The following RNF2 variants were observed in gnomAD, a reference collection of about 807,000 sequenced individuals.
RNF2 encodes the protein E3 ubiquitin-protein ligase RING2.
RNF2 carries 6 observed loss-of-function variants against 37.2 expected under a neutral mutation model. That is an observed-to-expected ratio of 0.16 (90% confidence interval 0.09 to 0.32). The LOEUF (loss-of-function observed/expected upper bound fraction) is 0.32, where lower values mean the gene tolerates loss of function less well. Ranked by LOEUF, RNF2 falls within the 10% of genes least tolerant of loss-of-function variation. RNF2 has a pLI of 1.00. For missense variants in RNF2, 251 were observed against 404.0 expected (o/e 0.62, Z 3.25); for synonymous variants, 133 against 132.7 (o/e 1.00, Z -0.02).
In RNF2 at chr1:185,097,936, A is replaced by G. The variant is rs544019431; in HGVS notation, c.465-136A>G. 1.1e-3 allele frequency: 961 copies of G among 876,112 alleles called. 5 individuals carry two copies. Among genetic ancestry groups the G allele is most frequent in the Non-Finnish European group, 1.4e-3 (819 of 583,048 alleles). The allele number at this position is 876,112 out of a possible 1,614,324, so 54.3% of individuals were successfully genotyped here. On this transcript the variant is annotated intron_variant, in intron 4 of 6. Coordinates refer to ENST00000367510, the MANE Select transcript of RNF2 (RefSeq NM_007212.4). Reference sequence around the variant, plus strand: ...ACCTTTCAGGAACATGTGGGAAACAATATCATCCAACTCAGAGTAAATTCA... The same window carrying G: ...ACCTTTCAGGAACATGTGGGAAACAGTATCATCCAACTCAGAGTAAATTCA...
At chr1:185,053,429 G>A (rs1201640008) in intron 1 of RNF2, among the ~76,000 whole-genome samples, 8 of 151,672 alleles carry the variant, frequency 5.3e-5, no homozygotes, top group Admixed American at 5.3e-4. Flanking sequence ...TCCAACTTTG[G>A]GCTCAAGTGA....
chr1:185,091,227 T>A (rs1651757628), intron 2 of RNF2, among the ~76,000 whole-genome samples: 1 of 152,226 alleles, frequency 6.6e-6, no homozygotes, highest in South Asian at 2.1e-4. Context: ...TAAATAATTA[T>A]TTAGACTCAG....
intron 1 of RNF2, among the ~76,000 whole-genome samples, chr1:185,087,194 A>C (rs1651626075): frequency 6.6e-6 from 1 of 152,184 alleles, no homozygotes; most frequent in Non-Finnish European, 1.5e-5. Flanking sequence ...AAAATACTTT[A>C]GGCTGGGTAA....
At chr1:185,051,724 TTAAC>T (rs1467496484) in intron 1 of RNF2, among the ~76,000 whole-genome samples, 2 of 141,160 alleles carry the variant, frequency 1.4e-5, no homozygotes, top group African/African-American at 2.5e-5. Context: ...TTCCCCCTCC[TTAAC>T]TAATTCTTTT....
In RNF2 at chr1:185,082,345, C is replaced by CTTTTTTTTTTTTTTTTTTTTTTTTTTT. The variant is rs3036553; in HGVS notation, c.-2-5185_-2-5184insTTTTTTTTTTTTTTTTTTTTTTTTTTT. Among the ~76,000 whole-genome samples the CTTTTTTTTTTTTTTTTTTTTTTTTTTT allele has an allele frequency of 1.5e-3, 110 of 71,978 alleles. 17 individuals carry two copies. Among genetic ancestry groups the CTTTTTTTTTTTTTTTTTTTTTTTTTTT allele is most frequent in the East Asian group, 3.3e-3 (6 of 1,792 alleles). The allele number at this position is 71,978 out of a possible 152,430, so 47.2% of individuals were successfully genotyped here. Reference sequence around the variant, plus strand: ...CAAGGTTCTTGTCTCCTCTGCAGAACTTTTTTTTTTTTTTTTTTTTTTGAA... The same window carrying CTTTTTTTTTTTTTTTTTTTTTTTTTTT: ...CAAGGTTCTTGTCTCCTCTGCAGAACTTTTTTTTTTTTTTTTTTTTTTTTTTTTTTTTTTTTTTTTTTTTTTTTTGAA... On this transcript the variant is annotated intron_variant, in intron 1 of 6. Transcript: ENST00000367510.
At chr1:185,091,767 G>A (rs371064337) in intron 3 of RNF2, 28 bp downstream of exon 3, 4 of 1,561,994 alleles carry the variant, frequency 2.6e-6, no homozygotes, top group Admixed American at 3.6e-5. Flanking sequence ...GTTATACTAG[G>A]TACTTAATTG....
rs1481314163 is a variant in RNF2, at chr1:185,053,135, T to C, written c.-3+7486T>C. Among the ~76,000 whole-genome samples the C allele has an allele frequency of 2.0e-5, 3 of 152,304 alleles. No homozygotes were observed. In the East Asian group the frequency reaches 5.8e-4, roughly 29 times the overall value. ...GACATTGAAGTCTCAACCACCAGGC[T>C]CTGCTCTAGGAACTCTCCAGGTTTT... On this transcript the variant is annotated intron_variant, in intron 1 of 6. Coordinates refer to ENST00000367510, the MANE Select transcript of RNF2 (RefSeq NM_007212.4).
At chr1:185,083,555 CA>C (rs1288763574) in intron 1 of RNF2, among the ~76,000 whole-genome samples, 1 of 152,116 alleles carries the variant, frequency 6.6e-6, no homozygotes, top group Middle Eastern at 3.2e-3. Flanking sequence ...CTCCTGGGCT[CA>C]AGCAGTCCTC....
intron 3 of RNF2, among the ~76,000 whole-genome samples, chr1:185,092,392 G>C (rs563836438): frequency 6.6e-6 from 1 of 150,602 alleles, no homozygotes; most frequent in Admixed American, 6.6e-5. Flanking sequence ...GGTCAGGCTG[G>C]TCTTGAACTC....
At chr1:185,056,115 T>A (rs1650426811) in intron 1 of RNF2, among the ~76,000 whole-genome samples, 1 of 152,216 alleles carries the variant, frequency 6.6e-6, no homozygotes, top group African/African-American at 2.4e-5. Flanking sequence ...TGCTCTGTGA[T>A]GATTTGTTAG....
chr1:185,062,642 A>G (rs1343204331), intron 1 of RNF2, among the ~76,000 whole-genome samples: 2 of 152,050 alleles, frequency 1.3e-5, no homozygotes, highest in Non-Finnish European at 2.9e-5. Flanking sequence ...AATATATAAA[A>G]GATAAAAGTT....
rs1358001738 is a variant in RNF2 at position 185,098,189 on chromosome 1, C to T, written c.582C>T (p.Asn194=). 6.2e-7 allele frequency: 1 copy of T among 1,614,170 alleles called. No individual in the cohort carries two copies. Among genetic ancestry groups the T allele is most frequent in the East Asian group, 2.2e-5 (1 of 44,872 alleles). Residue 194 remains asparagine (N), a synonymous_variant, in exon 5 of 7, where the codon AAC becomes AAT. Coordinates refer to ENST00000367510, the MANE Select transcript of RNF2 (RefSeq NM_007212.4). Reference sequence around the variant, plus strand: ...GCAATCAGGAAGCAGGCCCTAGTAACAAACGGACCAAAACATCTGATGATT... The same window carrying T: ...GCAATCAGGAAGCAGGCCCTAGTAATAAACGGACCAAAACATCTGATGATT... ...THSNQEAGPS[N]KRTKTSDDSG...
chr1:185,083,683 G>T (rs1382617331), intron 1 of RNF2, among the ~76,000 whole-genome samples: 6 of 152,022 alleles, frequency 3.9e-5, no homozygotes, highest in African/African-American at 1.5e-4. Context: ...TGTTGCCCAG[G>T]CTGGAGTGCA....
chr1:185,067,782 C>G (rs904575093), intron 1 of RNF2, among the ~76,000 whole-genome samples: 2 of 145,840 alleles, frequency 1.4e-5, no homozygotes, highest in African/African-American at 2.6e-5. Context: ...GCAATCTCGG[C>G]TCTCGGCAAC....
chr1:185,092,566 C>G (rs537281132), intron 3 of RNF2, among the ~76,000 whole-genome samples: 2 of 152,058 alleles, frequency 1.3e-5, no homozygotes, highest in Non-Finnish European at 2.9e-5. Flanking sequence ...GTATTGAAAT[C>G]GCTGATTTTT....
In RNF2 at chr1:185,071,357, C is replaced by T. The variant is rs148844860; in HGVS notation, c.-2-16195C>T. ...AGATATGTATCCTGAAAGATTAAGACGAGGGAAGCCATCTTGGGAGATACG... is the reference window on the plus strand; with the variant it reads ...AGATATGTATCCTGAAAGATTAAGATGAGGGAAGCCATCTTGGGAGATACG... On this transcript the variant is annotated intron_variant, in intron 1 of 6. Transcript: ENST00000367510. 4.8e-3 allele frequency among the ~76,000 whole-genome samples: 723 copies of T among 152,152 alleles called. 3 individuals carry two copies. Among genetic ancestry groups the T allele is most frequent in the Non-Finnish European group, 7.9e-3 (540 of 68,018 alleles).
chr1:185,066,892 T>C (rs1028864899), intron 1 of RNF2, among the ~76,000 whole-genome samples: 6 of 152,162 alleles, frequency 3.9e-5, no homozygotes, highest in African/African-American at 1.4e-4. Flanking sequence ...GGGAGAAATG[T>C]GGTAGGAAGC....
Position 185,078,720 on chromosome 1 carries a change from G to A in RNF2, c.-2-8832G>A, listed in dbSNP as rs183692864. On this transcript the variant is annotated intron_variant, in intron 1 of 6. Coordinates refer to ENST00000367510, the MANE Select transcript of RNF2 (RefSeq NM_007212.4). The stretch of plus-strand genomic sequence containing the variant: ...AGGTTGGGAGTTCGAGACCAGCCTG[G>A]CCAACATGGTGAAACCCCATCTCTA... 7.9e-3 allele frequency among the ~76,000 whole-genome samples: 1,203 copies of A among 152,154 alleles called. 6 individuals carry two copies. The highest frequency in any genetic ancestry group is 0.017 in the Middle Eastern group (5 of 294).
chr1:185,049,199 G>A (rs1650202903), intron 1 of RNF2, among the ~76,000 whole-genome samples: 1 of 152,052 alleles, frequency 6.6e-6, no homozygotes. Flanking sequence ...CCTGGGTGAC[G>A]GAGCGAGACT....
Sources: gnomAD v4.1 joint callset for allele counts (sites outside exome capture counted in the v4.1 genomes callset) on GRCh38, gnomAD v4.1.1 for gene constraint, MANE v1.5 for transcripts, NCBI Gene and HGNC (gene_info 2026-07-23, HGNC 2026-07-21) for gene names.